The following RPS3 variants were observed in gnomAD, a reference collection of about 807,000 sequenced individuals.
RPS3 encodes the protein small ribosomal subunit protein uS3.
Under a neutral mutation model 25.8 loss-of-function variants are expected in RPS3, and 2 were observed. That is an observed-to-expected ratio of 0.08 (90% CI 0.03 to 0.24). The LOEUF is 0.24. Among genes scored for constraint, RPS3 ranks in the 10% least tolerant of loss-of-function variants. The probability of loss-of-function intolerance (pLI) is 1.00; values close to 1 mark genes in which losing one functional copy is unlikely to be tolerated. For missense variants in RPS3, 107 were observed against 307.1 expected, an observed-to-expected ratio of 0.35 and a Z score of 4.87; for synonymous variants, 114 against 114.2, an observed-to-expected ratio of 1.00 and a Z score of 0.01.
intron 6 of RPS3, among the ~76,000 whole-genome samples, chr11:75,412,854 G>A (rs537371054): frequency 6.6e-6 from 1 of 152,188 alleles, no homozygotes; most frequent in Non-Finnish European, 1.5e-5. Flanking sequence ...TCAGCTCACT[G>A]CAACCTGTGC....
chr11:75,403,220 A>G (rs963169097), intron 4 of RPS3: 2 of 152,228 alleles, frequency 1.3e-5, no homozygotes, highest in African/African-American at 4.8e-5. Flanking sequence ...GCTTAGAACA[A>G]TGGTTCTCAA....
chr11:75,417,807 A>ACTG (rs1173348506), intron 6 of RPS3, among the ~76,000 whole-genome samples: 2 of 152,210 alleles, frequency 1.3e-5, no homozygotes, highest in Admixed American at 1.3e-4. Context: ...AGGGGACTGA[A>ACTG]CTGCTGGTGG....
downstream of RPS3, among the ~76,000 whole-genome samples, chr11:75,410,657 C>T (rs796489250): frequency 6.1e-5 from 9 of 146,694 alleles, no homozygotes; most frequent in African/African-American, 2.0e-4. Context: ...GTGGTTGTAG[C>T]GAGCCGAGAT....
At chr11:75,421,237 G>A (rs759866866) in intron 6 of RPS3, among the ~76,000 whole-genome samples, 3 of 152,174 alleles carry the variant, frequency 2.0e-5, no homozygotes, top group Admixed American at 6.5e-5. Flanking sequence ...ATGATGGGCC[G>A]GCCCCAGCTG....
At chr11:75,411,361 G>A (rs1475341552), downstream of RPS3, among the ~76,000 whole-genome samples, 2 of 151,898 alleles carry the variant, frequency 1.3e-5, no homozygotes, top group African/African-American at 4.8e-5. Flanking sequence ...ATAATGAAAA[G>A]TACTAGCAAG....
Position 75,405,960 on chromosome 11 carries a change from G to A in RPS3, c.*350G>A, listed in dbSNP as rs547500846. Reference sequence around the variant, plus strand: ...TTTTCCTATGCATAAGGCGATCCACGTTGCACATAGAAAGTGAATATAAAT... The same window carrying A: ...TTTTCCTATGCATAAGGCGATCCACATTGCACATAGAAAGTGAATATAAAT... On this transcript the variant is annotated 3_prime_UTR_variant, in exon 7 of 7. Coordinates refer to ENST00000531188, the MANE Select transcript of RPS3 (RefSeq NM_001005.5). 1.2e-3 allele frequency: 214 copies of A among 174,866 alleles called. No homozygotes were observed. The highest frequency in any genetic ancestry group is 4.6e-3 in the African/African-American group (194 of 42,172). The allele number at this position is 174,866 out of a possible 1,614,324, so 10.8% of individuals were successfully genotyped here.
chr11:75,400,479 T>G lies in RPS3; in HGVS notation c.31-215T>G, dbSNP rs371639267. The G allele has an allele frequency of 3.9e-4, 269 of 681,816 alleles. No homozygotes were observed. In the African/African-American group the frequency reaches 4.5e-3, roughly 11 times the overall value. The allele number at this position is 681,816 out of a possible 1,614,324, so 42.2% of individuals were successfully genotyped here. A position where few individuals can be genotyped will look rare whatever the true frequency, so the allele number is the denominator to read the frequency against. ...CTGTGCTGCGTTCTGTGGCACAGTT[T>G]AAAGAGCCCTGGTTGAAGTAATTTC... On this transcript the variant is annotated intron_variant, in intron 1 of 6. Coordinates refer to ENST00000531188, the MANE Select transcript of RPS3 (RefSeq NM_001005.5).
Position 75,400,795 on chromosome 11 carries a change from C to T in RPS3, c.132C>T (p.Thr44=), listed in dbSNP as rs371302270. 6.2e-7 allele frequency: 1 copy of T among 1,612,570 alleles called. No homozygotes were observed. The highest frequency in any genetic ancestry group is 8.5e-7 in the Non-Finnish European group (1 of 1,179,700). ...GAGTTGAGGTGCGAGTTACACCAAC[C>T]AGGACAGAAATCATTATCTTAGCCA... ...YSGVEVRVTP[T]RTEIIILATR... The change falls in exon 2 of 7, where the codon ACC becomes ACT. Residue 44 remains threonine, a synonymous_variant. Transcript: ENST00000531188.
chr11:75,402,723 A>G, intron 4 of RPS3: 1 of 220,662 alleles, frequency 4.5e-6, no homozygotes, highest in Non-Finnish European at 9.1e-6. Flanking sequence ...GAGGGGACCA[A>G]CTCCTGTTGG....
downstream of RPS3, among the ~76,000 whole-genome samples, chr11:75,410,366 G>A (rs1948340503): frequency 6.6e-6 from 1 of 151,932 alleles, no homozygotes. Context: ...GCGGGGCAGA[G>A]GTGCTCCCCA....
At chr11:75,417,646 A>T (rs1397728442) in intron 6 of RPS3, among the ~76,000 whole-genome samples, 1 of 152,200 alleles carries the variant, frequency 6.6e-6, no homozygotes, top group African/African-American at 2.4e-5. Flanking sequence ...ACATGCCTGT[A>T]GTCTCAGCTA....
chr11:75,420,967 T>A (rs1329963110), intron 6 of RPS3, among the ~76,000 whole-genome samples: 1 of 151,934 alleles, frequency 6.6e-6, no homozygotes, highest in Non-Finnish European at 1.5e-5. Context: ...GTGGGAAGGG[T>A]CCAGCCAACT....
chr11:75,418,551 A>C (rs1002327673), intron 6 of RPS3, among the ~76,000 whole-genome samples: 1 of 152,234 alleles, frequency 6.6e-6, no homozygotes, highest in African/African-American at 2.4e-5. Context: ...AGATTTGTTT[A>C]ATGCACTCTT....
In RPS3 at chr11:75,400,834, A is replaced by G. The variant is rs896837085; in HGVS notation, c.161+10A>G. Reference sequence around the variant, plus strand: ...TTATCTTAGCCACCAGGTAAAACTCATTTGACTGGCCATCACCTATAATTG... The same window carrying G: ...TTATCTTAGCCACCAGGTAAAACTCGTTTGACTGGCCATCACCTATAATTG... On this transcript the variant is annotated intron_variant, in intron 2 of 6. Transcript: ENST00000531188. 6.2e-7 allele frequency: 1 copy of G among 1,609,480 alleles called. No homozygotes were observed. Among genetic ancestry groups the G allele is most frequent in the East Asian group, 2.2e-5 (1 of 44,802 alleles).
In RPS3 at chr11:75,404,608, T is replaced by A. The variant is rs1948257834; in HGVS notation, c.539-64T>A. The A allele has an allele frequency of 6.6e-7, 1 of 1,509,072 alleles. No individual in the cohort carries two copies. The highest frequency in any genetic ancestry group is 2.3e-5 in the East Asian group (1 of 44,030). 93.5% of individuals were successfully genotyped at this position (1,509,072 alleles called of 1,614,324 possible). On this transcript the variant is annotated intron_variant, in intron 5 of 6. Coordinates refer to ENST00000531188, the MANE Select transcript of RPS3 (RefSeq NM_001005.5). This position sits in a 1 kb window ranked among gnomAD's most constrained non-coding sequence, Gnocchi z 4.6. Reference sequence around the variant, plus strand: ...GCTTGAGTAAACTGCTTGCTCTCTTTGGTCTTGTGTGATGGGGGCCTTTGA... The same window carrying A: ...GCTTGAGTAAACTGCTTGCTCTCTTAGGTCTTGTGTGATGGGGGCCTTTGA...
At chr11:75,400,856 A>C (rs1948199271) in intron 2 of RPS3, 32 bp downstream of exon 2, 2 of 1,595,672 alleles carry the variant, frequency 1.3e-6, no homozygotes, top group Non-Finnish European at 1.7e-6. Flanking sequence ...ATCACCTATA[A>C]TTGTTATAAA....
chr11:75,403,061 T>C (rs1480946958), intron 4 of RPS3: 1 of 151,646 alleles, frequency 6.6e-6, no homozygotes, highest in Non-Finnish European at 1.5e-5. Context: ...AGTTTGACTG[T>C]ATGTAAAGGC....
intron 1 of RPS3, chr11:75,400,339 A>G (rs1390791091): frequency 1.3e-5 from 7 of 519,004 alleles, no homozygotes; most frequent in African/African-American, 1.3e-4. Flanking sequence ...AATGAAGTGT[A>G]AATAGGCCAT....
chr11:75,400,977 G>C (rs1182503964), intron 2 of RPS3, among the ~76,000 whole-genome samples, 153 bp downstream of exon 2: 1 of 152,166 alleles, frequency 6.6e-6, no homozygotes, highest in Non-Finnish European at 1.5e-5. Flanking sequence ...CCGCCTCCCG[G>C]GTTCACGCCA....
Sources: gnomAD v4.1 joint callset for allele counts (sites outside exome capture counted in the v4.1 genomes callset) on GRCh38, gnomAD v4.1.1 for gene constraint, Gnocchi (gnomAD v3.1) non-coding constraint, MANE v1.5 for transcripts, NCBI Gene and HGNC (gene_info 2026-07-23, HGNC 2026-07-21) for gene names.